The following EPHB1 variants were observed in gnomAD, a reference collection of about 807,000 sequenced individuals.
EPHB1 encodes the protein EPH receptor B1.
EPHB1 carries 30 observed loss-of-function variants against 94.4 expected under a neutral mutation model. The ratio of observed to expected loss-of-function variants is 0.32; its 90% confidence interval spans 0.24 to 0.43. The LOEUF (loss-of-function observed/expected upper bound fraction) is 0.43. Ranked by LOEUF, EPHB1 falls within the 20% of genes least tolerant of loss-of-function variation. The pLI, the probability that EPHB1 is intolerant of heterozygous loss-of-function variation, is 1.00. For missense variants in EPHB1, 1,055 were observed against 1,308.3 expected (o/e 0.81, Z 2.99); for synonymous variants, 522 against 489.1 (o/e 1.07, Z -0.89).
At chr3:135,198,764 T>C (rs1393349979) in intron 11 of EPHB1, among the ~76,000 whole-genome samples, 8 of 152,208 alleles carry the variant, frequency 5.3e-5, no homozygotes, top group Non-Finnish European at 1.2e-4. Context: ...GGCACTGAGC[T>C]AGGGCCTTTC....
chr3:135,033,086 C>G (rs1936535343), intron 3 of EPHB1, among the ~76,000 whole-genome samples: 1 of 152,146 alleles, frequency 6.6e-6, no homozygotes, highest in East Asian at 1.9e-4. Flanking sequence ...AAAAGTCCAT[C>G]TCCCTGAAGA....
intron 4 of EPHB1, among the ~76,000 whole-genome samples, chr3:135,119,139 T>C (rs768743071): frequency 6.6e-4 from 100 of 152,356 alleles, no homozygotes; most frequent in South Asian, 2.1e-3. Context: ...ATTTTTTATA[T>C]GTTTATTGAC....
At chr3:134,982,640 T>G (rs1934449655) in intron 3 of EPHB1, among the ~76,000 whole-genome samples, 1 of 152,158 alleles carries the variant, frequency 6.6e-6, no homozygotes, top group South Asian at 2.1e-4. Flanking sequence ...CACACAGATG[T>G]ATTCCTCCTC....
At chr3:135,201,098 C>A (rs745772519) in intron 11 of EPHB1, among the ~76,000 whole-genome samples, 1 of 152,024 alleles carries the variant, frequency 6.6e-6, no homozygotes, top group Non-Finnish European at 1.5e-5. Flanking sequence ...TATTTTTAAG[C>A]CAGGGACTGA....
At chr3:135,022,556 T>C (rs1336545809) in intron 3 of EPHB1, among the ~76,000 whole-genome samples, 1 of 152,190 alleles carries the variant, frequency 6.6e-6, no homozygotes, top group Non-Finnish European at 1.5e-5. Context: ...TCCTTATAAT[T>C]GACCTCTTAA....
intron 3 of EPHB1, among the ~76,000 whole-genome samples, chr3:135,087,433 A>G (rs535415391): frequency 9.2e-5 from 14 of 152,330 alleles, no homozygotes; most frequent in African/African-American, 3.4e-4. Flanking sequence ...GGGGGAATTC[A>G]ATAATGAAGT....
intron 10 of EPHB1, among the ~76,000 whole-genome samples, chr3:135,188,504 T>C (rs992020012): frequency 6.6e-6 from 1 of 151,928 alleles, no homozygotes; most frequent in African/African-American, 2.4e-5. Context: ...CAAAAAAAAA[T>C]AGAATAATAA....
At chr3:134,877,020 G>C (rs2037630432) in intron 1 of EPHB1, among the ~76,000 whole-genome samples, 1 of 152,148 alleles carries the variant, frequency 6.6e-6, no homozygotes, top group African/African-American at 2.4e-5. Context: ...TACACCCCAT[G>C]GGGCCTTGGT....
At chr3:134,993,157 T>A (rs2107738867) in intron 3 of EPHB1, among the ~76,000 whole-genome samples, 1 of 152,358 alleles carries the variant, frequency 6.6e-6, no homozygotes, top group African/African-American at 2.4e-5. Flanking sequence ...TCTGCAGTTC[T>A]TGCTCTGTCT....
At chr3:135,036,912 G>T (rs369979142) in intron 3 of EPHB1, among the ~76,000 whole-genome samples, 1 of 152,152 alleles carries the variant, frequency 6.6e-6, no homozygotes. Context: ...TGGCTATTAG[G>T]ACAGCTTTCT....
intron 1 of EPHB1, among the ~76,000 whole-genome samples, chr3:134,846,341 C>T (rs1021978878): frequency 1.3e-5 from 2 of 152,158 alleles, no homozygotes; most frequent in Admixed American, 6.5e-5. Context: ...CGGGGCAGGG[C>T]TCCGAGGCCC....
At chr3:135,147,097 C>T (rs1311661283) in intron 5 of EPHB1, among the ~76,000 whole-genome samples, 1 of 152,364 alleles carries the variant, frequency 6.6e-6, no homozygotes, top group East Asian at 1.9e-4. Flanking sequence ...AATAGGCACA[C>T]ACATCTCTCT....
chr3:135,114,107 G>T (rs1269546207), intron 4 of EPHB1, among the ~76,000 whole-genome samples: 1 of 152,174 alleles, frequency 6.6e-6, no homozygotes, highest in Non-Finnish European at 1.5e-5. Flanking sequence ...GTCTGTTTGG[G>T]TCTCCCCTAT....
At chr3:134,813,697 C>G (rs2036217309) in intron 1 of EPHB1, among the ~76,000 whole-genome samples, 1 of 152,186 alleles carries the variant, frequency 6.6e-6, no homozygotes. Flanking sequence ...TGGCTCATTT[C>G]TTAGCTTTCA....
chr3:135,203,210 G>A (rs967880436), intron 12 of EPHB1, among the ~76,000 whole-genome samples: 1 of 152,128 alleles, frequency 6.6e-6, no homozygotes, highest in Non-Finnish European at 1.5e-5. Context: ...ATGGACACAT[G>A]TGACACATGT....
intron 5 of EPHB1, among the ~76,000 whole-genome samples, chr3:135,140,605 T>G (rs1299492010): frequency 1.3e-5 from 2 of 152,182 alleles, no homozygotes; most frequent in African/African-American, 4.8e-5. Flanking sequence ...CCTTACATTC[T>G]CCCAGATGTT....
chr3:134,908,507 G>T (rs1391941357), intron 1 of EPHB1, among the ~76,000 whole-genome samples: 3 of 152,356 alleles, frequency 2.0e-5, no homozygotes, highest in Admixed American at 1.3e-4. Context: ...TAGGGCTTTT[G>T]TGAGTTCCCA....
At chr3:134,841,765 T>G (rs2036782968) in intron 1 of EPHB1, among the ~76,000 whole-genome samples, 1 of 152,202 alleles carries the variant, frequency 6.6e-6, no homozygotes, top group Admixed American at 6.5e-5. Flanking sequence ...TTTAATAAAA[T>G]ATTCCTTTCC....
chr3:134,943,330 G>A (rs1216650165), intron 2 of EPHB1, among the ~76,000 whole-genome samples: 1 of 152,200 alleles, frequency 6.6e-6, no homozygotes, highest in Non-Finnish European at 1.5e-5. Context: ...CTGTTGTCCA[G>A]TTATGAGAGG....
Sources: gnomAD v4.1 joint callset for allele counts (sites outside exome capture counted in the v4.1 genomes callset) on GRCh38, gnomAD v4.1.1 for gene constraint, MANE v1.5 for transcripts, NCBI Gene and HGNC (gene_info 2026-07-23, HGNC 2026-07-21) for gene names.